The following RBFOX1 variants were observed in gnomAD, a reference collection of about 807,000 sequenced individuals.
RBFOX1 encodes RNA binding protein fox-1 homolog 1.
In RBFOX1, 8 loss-of-function variants were observed where a neutral mutation model predicts 57.7. The observed-to-expected ratio is 0.14, with a 90% confidence interval of 0.08 to 0.25. The LOEUF is 0.25. Among genes scored for constraint, RBFOX1 ranks in the 10% least tolerant of loss-of-function variants. The pLI is 1.00. For missense variants in RBFOX1, 611 were observed against 548.5 expected (o/e 1.11, Z -1.14); for synonymous variants, 326 against 222.4 (o/e 1.47, Z -4.15).
intron 4 of RBFOX1, among the ~76,000 whole-genome samples, chr16:5,899,615 G>T (rs1319676587): frequency 6.6e-6 from 1 of 152,180 alleles, no homozygotes; most frequent in Non-Finnish European, 1.5e-5. Context: ...GCAAGATTCT[G>T]ATGTCGGGTA....
At chr16:6,327,240 C>G (rs1342407229) in intron 2 of RBFOX1, among the ~76,000 whole-genome samples, 3 of 152,046 alleles carry the variant, frequency 2.0e-5, no homozygotes, top group South Asian at 2.1e-4. Context: ...TCATGTTGCT[C>G]TCTCATTCCC....
At position 6,914,843 on chromosome 16, in the gene RBFOX1, G is replaced by T. The variant is rs564131704; in HGVS notation, c.-15-137214G>T. ...TTCAAGGCTGCACTGAGCCAAGATC[G>T]CAACATTGTGTTCCAAGCTGGGCAA... is the stretch of plus-strand genomic sequence containing the variant. On this transcript the variant is annotated intron_variant, in intron 3 of 15. Transcript: ENST00000550418. Among the ~76,000 whole-genome samples the T allele has an allele frequency of 8.7e-4, 132 of 152,304 alleles. 1 individual carries two copies. Among genetic ancestry groups the T allele is most frequent in the Middle Eastern group, 6.8e-3 (2 of 294 alleles).
intron 3 of RBFOX1, among the ~76,000 whole-genome samples, chr16:6,872,494 C>T (rs933283362): frequency 6.6e-6 from 1 of 152,144 alleles, no homozygotes; most frequent in Non-Finnish European, 1.5e-5. Flanking sequence ...AGGTTTCAGG[C>T]TTCCCTGAAT....
intron 1 of RBFOX1, among the ~76,000 whole-genome samples, chr16:6,216,086 A>G (rs531694734): frequency 1.3e-5 from 2 of 152,256 alleles, no homozygotes; most frequent in East Asian, 1.9e-4. Flanking sequence ...TGATAAGAAC[A>G]CATGGGCACA....
intron 2 of RBFOX1, among the ~76,000 whole-genome samples, chr16:6,510,885 C>G (rs1047530453): frequency 6.6e-6 from 1 of 152,012 alleles, no homozygotes; most frequent in African/African-American, 2.4e-5. Context: ...AAGGTATGCC[C>G]TCTTTAATAC....
intron 1 of RBFOX1, among the ~76,000 whole-genome samples, chr16:5,403,393 C>T (rs1472996207): frequency 6.6e-6 from 1 of 151,026 alleles, no homozygotes; most frequent in Non-Finnish European, 1.5e-5. Flanking sequence ...CAAAAAAACC[C>T]AAAACCCTTG....
chr16:7,122,235 A>G (rs72763568), intron 4 of RBFOX1, among the ~76,000 whole-genome samples: 1 of 152,180 alleles, frequency 6.6e-6, no homozygotes, highest in African/African-American at 2.4e-5. Context: ...GTAAAGAAAT[A>G]TTTGTAAACC....
At chr16:7,215,129 A>C (rs371548300) in intron 4 of RBFOX1, among the ~76,000 whole-genome samples, 34 of 151,614 alleles carry the variant, frequency 2.2e-4, no homozygotes, top group Non-Finnish European at 3.1e-4. Flanking sequence ...TCATTGTTCA[A>C]CTCCCACTTA....
intron 1 of RBFOX1, among the ~76,000 whole-genome samples, chr16:5,356,105 G>C (rs777427332): frequency 6.6e-6 from 1 of 152,098 alleles, no homozygotes; most frequent in African/African-American, 2.4e-5. Context: ...AAAAATAAAG[G>C]AAGACGTGAG....
chr16:6,780,089 A>G (rs561429343), intron 3 of RBFOX1, among the ~76,000 whole-genome samples: 1 of 46,058 alleles, frequency 2.2e-5, no homozygotes, highest in African/African-American at 1.4e-4. Flanking sequence ...ATTTATATAT[A>G]TTTATATATT....
chr16:5,660,948 G>T (rs1010965557), intron 3 of RBFOX1, among the ~76,000 whole-genome samples: 2 of 152,160 alleles, frequency 1.3e-5, no homozygotes, highest in African/African-American at 4.8e-5. Context: ...GATGTTAGAG[G>T]TCCCAGAATG....
chr16:7,500,836 C>T (rs2070535189), intron 4 of RBFOX1, among the ~76,000 whole-genome samples: 1 of 152,206 alleles, frequency 6.6e-6, no homozygotes, highest in African/African-American at 2.4e-5. Flanking sequence ...CCCATAATCC[C>T]CATGTCTCGT....
intron 1 of RBFOX1, chr16:5,366,058 C>A: frequency 2.1e-6 from 1 of 474,648 alleles, no homozygotes; most frequent in South Asian, 1.6e-5. Flanking sequence ...AATGGTTTCC[C>A]TTGGGGCTTT....
intron 4 of RBFOX1, among the ~76,000 whole-genome samples, chr16:6,008,047 C>T (rs1006499927): frequency 2.6e-5 from 4 of 152,038 alleles, no homozygotes; most frequent in Non-Finnish European, 4.4e-5. Context: ...CTACTGAAAA[C>T]ACAAAACATT....
intron 1 of RBFOX1, among the ~76,000 whole-genome samples, chr16:6,150,122 T>A (rs957904565): frequency 6.6e-6 from 1 of 152,128 alleles, no homozygotes; most frequent in South Asian, 2.1e-4. Context: ...CATAGGAAAT[T>A]ATGTGATGTT....
rs143415000 is a variant in RBFOX1 at position 6,599,931 on chromosome 16, A to C, written c.-63-54672A>C. ...TCAGTGGTACAAAGTGTTAACCCAC[A>C]ATCAACAAAGCATTGAACGCAGTCC... On this transcript the variant is annotated intron_variant, in intron 2 of 15. Coordinates refer to ENST00000550418, the MANE Select transcript of RBFOX1 (RefSeq NM_018723.4). Among the ~76,000 whole-genome samples, 8 of 152,306 alleles carry C rather than the reference A, an allele frequency of 5.3e-5. No homozygotes were observed. The East Asian group carries it at 1.5e-3, about 29-fold the overall frequency.
At chr16:6,893,327 T>A (rs2065967616) in intron 3 of RBFOX1, among the ~76,000 whole-genome samples, 1 of 152,080 alleles carries the variant, frequency 6.6e-6, no homozygotes, top group South Asian at 2.1e-4. Context: ...GAGATCAAAC[T>A]CATATAGGTC....
In RBFOX1 at chr16:6,450,387, C is replaced by G. The variant is rs141636869; in HGVS notation, c.-64+133330C>G. 9.9e-5 allele frequency among the ~76,000 whole-genome samples: 15 copies of G among 151,998 alleles called. No homozygotes were observed. The East Asian group carries it at 2.7e-3, about 28-fold the overall frequency. On this transcript the variant is annotated intron_variant, in intron 2 of 15. Coordinates refer to ENST00000550418, the MANE Select transcript of RBFOX1 (RefSeq NM_018723.4). Reference sequence around the variant, plus strand: ...ATGATAAAACCTCCGTTTGCTCCAGCCTTAAGGAATAACTGTGCTAATTTT... The same window carrying G: ...ATGATAAAACCTCCGTTTGCTCCAGGCTTAAGGAATAACTGTGCTAATTTT...
intron 4 of RBFOX1, among the ~76,000 whole-genome samples, chr16:7,289,953 A>G (rs1277234345): frequency 6.6e-6 from 1 of 152,184 alleles, no homozygotes; most frequent in Non-Finnish European, 1.5e-5. Flanking sequence ...AAGGCAGGAC[A>G]AGGTTAGGAT....
Sources: gnomAD v4.1 joint callset for allele counts (sites outside exome capture counted in the v4.1 genomes callset) on GRCh38, gnomAD v4.1.1 for gene constraint, MANE v1.5 for transcripts, NCBI Gene and HGNC (gene_info 2026-07-23, HGNC 2026-07-21) for gene names.